The following TP63 variants were observed in gnomAD, a reference collection of about 807,000 sequenced individuals.
TP63 encodes the protein tumor protein 63.
A neutral mutation model predicts 82.8 loss-of-function variants in TP63; 17 were observed. That is an observed-to-expected ratio of 0.21 (90% CI 0.14 to 0.31). The LOEUF (loss-of-function observed/expected upper bound fraction) is 0.31, where lower values mean the gene tolerates loss of function less well. Among genes scored for constraint, TP63 ranks in the 10% least tolerant of loss-of-function variants. The pLI is 1.00. For synonymous variants in TP63, 330 were observed against 321.7 expected, an observed-to-expected ratio of 1.03 and a Z score of -0.28; for missense variants, 648 against 895.3, an observed-to-expected ratio of 0.72 and a Z score of 3.52.
At chr3:189,640,023 TTTCTTTC>T (rs1213046987) in intron 1 of TP63, among the ~76,000 whole-genome samples, 1 of 152,028 alleles carries the variant, frequency 6.6e-6, no homozygotes, top group East Asian at 1.9e-4. Context: ...ATCATTAGCT[TTTCTTTC>T]TTCTTTATTA....
intron 1 of TP63, among the ~76,000 whole-genome samples, chr3:189,642,696 A>G (rs1346630977): frequency 6.6e-6 from 1 of 152,126 alleles, no homozygotes; most frequent in Non-Finnish European, 1.5e-5. Flanking sequence ...TATTATTTAT[A>G]TTTTATATGA....
At chr3:189,822,411 G>A (rs574261737) in intron 4 of TP63, among the ~76,000 whole-genome samples, 3 of 151,810 alleles carry the variant, frequency 2.0e-5, no homozygotes, top group Non-Finnish European at 2.9e-5. Flanking sequence ...CCATCCTGAG[G>A]GTTTAATCTG....
chr3:189,667,747 C>A (rs540295097), intron 1 of TP63, among the ~76,000 whole-genome samples: 1 of 152,128 alleles, frequency 6.6e-6, no homozygotes, highest in East Asian at 1.9e-4. Context: ...GAGTATTCAA[C>A]TGAGACATCA....
At chr3:189,789,879 G>A in intron 3 of TP63, 2 of 1,496,842 alleles carry the variant, frequency 1.3e-6, no homozygotes, top group South Asian at 2.8e-5. Context: ...ATTTAGAGAT[G>A]CTTTTTAATT....
intron 3 of TP63, among the ~76,000 whole-genome samples, chr3:189,760,961 AG>A (rs1382895494): frequency 6.6e-6 from 1 of 152,180 alleles, no homozygotes. Flanking sequence ...CCATGGTACA[AG>A]CTCTACATTG....
intron 1 of TP63, among the ~76,000 whole-genome samples, chr3:189,665,627 AACAC>A (rs2108661095): frequency 6.6e-6 from 1 of 152,226 alleles, no homozygotes; most frequent in Admixed American, 6.6e-5. Flanking sequence ...ATTGAATCAC[AACAC>A]TAATTAATTC....
the TP63 span, among the ~76,000 whole-genome samples, chr3:189,598,468 A>G: frequency 3.9e-5 from 6 of 152,350 alleles, no homozygotes; most frequent in South Asian, 6.2e-4. Flanking sequence ...ACATGAAACC[A>G]CAGATTCAAT....
At chr3:189,625,193 T>G in the TP63 span, among the ~76,000 whole-genome samples, 1 of 152,146 alleles carries the variant, frequency 6.6e-6, no homozygotes, top group African/African-American at 2.4e-5. Context: ...ACTCTGCAAA[T>G]CTTGACATTT....
At chr3:189,606,009 C>T in the TP63 span, among the ~76,000 whole-genome samples, 34,912 of 152,078 alleles carry the variant, frequency 0.23, 4,544 homozygotes, top group Admixed American at 0.33. Flanking sequence ...AGACCATACA[C>T]AATAGAAAAT....
chr3:189,850,822 CT>C (rs1390241503), intron 4 of TP63, among the ~76,000 whole-genome samples: 2 of 152,054 alleles, frequency 1.3e-5, no homozygotes, highest in South Asian at 2.1e-4. Context: ...AAATAAAATT[CT>C]TTTTTTATAA....
chr3:189,794,959 A>G (rs1307605954), intron 3 of TP63, among the ~76,000 whole-genome samples: 6 of 152,064 alleles, frequency 3.9e-5, no homozygotes, highest in Admixed American at 2.6e-4. Flanking sequence ...TTTAATAGCT[A>G]TGGTCCCTGC....
chr3:189,894,011 A>G (rs558489232), intron 13 of TP63, among the ~76,000 whole-genome samples, 195 bp from the exon 14 acceptor site: 2 of 152,286 alleles, frequency 1.3e-5, no homozygotes, highest in African/African-American at 4.8e-5. Flanking sequence ...GGCAGGAAAG[A>G]CACCTCAAGG....
At chr3:189,606,320 A>C in the TP63 span, among the ~76,000 whole-genome samples, 1 of 152,104 alleles carries the variant, frequency 6.6e-6, no homozygotes, top group South Asian at 2.1e-4. Flanking sequence ...ATCCACAAAT[A>C]CAACATTAAA....
chr3:189,651,793 G>A (rs116049429), intron 1 of TP63, among the ~76,000 whole-genome samples: 2,535 of 146,652 alleles, frequency 0.017, 326 homozygotes, highest in African/African-American at 0.062. Flanking sequence ...GTGCAGCCTC[G>A]GGACATGGTG....
At chr3:189,775,336 A>T (rs1723714461) in intron 3 of TP63, among the ~76,000 whole-genome samples, 1 of 152,062 alleles carries the variant, frequency 6.6e-6, no homozygotes, top group African/African-American at 2.4e-5. Flanking sequence ...TTACATCTTC[A>T]AACTCATTCT....
the TP63 span, among the ~76,000 whole-genome samples, chr3:189,623,963 G>A: frequency 3.3e-5 from 5 of 152,224 alleles, no homozygotes; most frequent in South Asian, 1.0e-3. Context: ...TCTTACACTG[G>A]CTGTTTAGAA....
chr3:189,800,615 G>A (rs893981627), intron 3 of TP63, among the ~76,000 whole-genome samples: 1 of 152,086 alleles, frequency 6.6e-6, no homozygotes, highest in African/African-American at 2.4e-5. Flanking sequence ...AGGAAAGCGG[G>A]TTCCGGAGCC....
chr3:189,869,287 T>C, intron 8 of TP63, 37 bp from the exon 9 acceptor site: 1 of 1,527,976 alleles, frequency 6.5e-7, no homozygotes, highest in East Asian at 2.3e-5. Flanking sequence ...GCTTTAGAAG[T>C]GTTCCCAGGA....
intron 3 of TP63, among the ~76,000 whole-genome samples, chr3:189,784,557 G>A (rs896551481): frequency 2.0e-5 from 3 of 152,048 alleles, no homozygotes; most frequent in Non-Finnish European, 2.9e-5. Flanking sequence ...TATGTAAAGT[G>A]CTTTGAGTAC....
Sources: gnomAD v4.1 joint callset for allele counts (sites outside exome capture counted in the v4.1 genomes callset) on GRCh38, gnomAD v4.1.1 for gene constraint, MANE v1.5 for transcripts, NCBI Gene and HGNC (gene_info 2026-07-23, HGNC 2026-07-21) for gene names.